GRM1: variants seen among roughly 807,000 people sequenced by gnomAD.
GRM1 encodes the protein glutamate metabotropic receptor 1.
Under a neutral mutation model 90.9 loss-of-function variants are expected in GRM1, and 33 were observed. The observed-to-expected ratio is 0.36, with a 90% confidence interval of 0.28 to 0.49. The LOEUF is 0.49. Among genes scored for constraint, GRM1 ranks in the 20% least tolerant of loss-of-function variants. The pLI, the probability that GRM1 is intolerant of heterozygous loss-of-function variation, is 0.99. For missense variants in GRM1, 1,190 were observed against 1,534.3 expected, an observed-to-expected ratio of 0.78 and a Z score of 3.75; for synonymous variants, 700 against 613.2, an observed-to-expected ratio of 1.14 and a Z score of -2.09.
intron 2 of GRM1, among the ~76,000 whole-genome samples, chr6:146,202,260 C>T (rs1779321703): frequency 6.6e-6 from 1 of 152,044 alleles, no homozygotes; most frequent in Non-Finnish European, 1.5e-5. Context: ...TTTAGTATTC[C>T]CATAAATGTA....
chr6:146,159,795 A>G, intron 2 of GRM1, 198 bp downstream of exon 2: 1 of 576,410 alleles, frequency 1.7e-6, no homozygotes, highest in East Asian at 3.0e-5. Flanking sequence ...TCTTCCTGCT[A>G]AACAACAGCA....
chr6:146,208,692 G>A (rs750788719), intron 2 of GRM1, among the ~76,000 whole-genome samples: 12 of 151,988 alleles, frequency 7.9e-5, no homozygotes, highest in Non-Finnish European at 1.6e-4. Context: ...TGTATGAAAT[G>A]CACACACACA....
intron 1 of GRM1, among the ~76,000 whole-genome samples, chr6:146,159,006 C>T (rs1017920893): frequency 6.6e-6 from 1 of 152,196 alleles, no homozygotes; most frequent in African/African-American, 2.4e-5. Flanking sequence ...CTTTGACCTC[C>T]CTAGTCCAAT....
At chr6:146,320,910 A>G (rs1462758289) in intron 3 of GRM1, among the ~76,000 whole-genome samples, 1 of 151,836 alleles carries the variant, frequency 6.6e-6, no homozygotes, top group Non-Finnish European at 1.5e-5. Context: ...TAATCTTTTC[A>G]AAAAAGCACC....
chr6:146,310,763 A>T (rs911779262), intron 3 of GRM1, among the ~76,000 whole-genome samples: 6 of 152,222 alleles, frequency 3.9e-5, no homozygotes, highest in African/African-American at 1.4e-4. Flanking sequence ...AACATGGATC[A>T]GAAACAGGAT....
At chr6:146,170,982 TA>T (rs1243875107) in intron 2 of GRM1, among the ~76,000 whole-genome samples, 2 of 152,204 alleles carry the variant, frequency 1.3e-5, no homozygotes, top group Non-Finnish European at 1.5e-5. Context: ...TATTGAAGTC[TA>T]TTTTTTTGCA....
At chr6:146,372,693 C>G (rs1775947257) in intron 5 of GRM1, among the ~76,000 whole-genome samples, 1 of 152,122 alleles carries the variant, frequency 6.6e-6, no homozygotes, top group East Asian at 1.9e-4. Context: ...TCCAGTTTCC[C>G]CAGCACCATT....
intron 5 of GRM1, among the ~76,000 whole-genome samples, chr6:146,380,013 T>C (rs1459246246): frequency 6.6e-6 from 1 of 151,770 alleles, no homozygotes; most frequent in African/African-American, 2.4e-5. Flanking sequence ...GTGACACAAG[T>C]GCCCTTGTAG....
intron 1 of GRM1, among the ~76,000 whole-genome samples, chr6:146,072,588 A>T (rs1364763783): frequency 6.6e-6 from 1 of 152,214 alleles, no homozygotes; most frequent in Non-Finnish European, 1.5e-5. Context: ...GGTGTATGAC[A>T]TAATTTGACC....
intron 7 of GRM1, among the ~76,000 whole-genome samples, chr6:146,424,245 C>T (rs1468071669): frequency 6.6e-5 from 10 of 152,196 alleles, no homozygotes; most frequent in Non-Finnish European, 1.3e-4. Context: ...GTGGCACTTC[C>T]GGTCCAGGGA....
intron 5 of GRM1, among the ~76,000 whole-genome samples, chr6:146,366,227 G>A (rs200075307): frequency 2.6e-5 from 4 of 152,006 alleles, no homozygotes; most frequent in South Asian, 2.1e-4. Context: ...CATAATAATC[G>A]TACATATTTA....
intron 6 of GRM1, among the ~76,000 whole-genome samples, chr6:146,397,210 T>C (rs534503819): frequency 8.6e-5 from 13 of 151,984 alleles, no homozygotes; most frequent in East Asian, 7.7e-4. Context: ...TGGCTGGGTG[T>C]GGTGGCTCAT....
chr6:146,350,732 T>C (rs1445334328), intron 3 of GRM1, among the ~76,000 whole-genome samples: 1 of 152,226 alleles, frequency 6.6e-6, no homozygotes, highest in South Asian at 2.1e-4. Flanking sequence ...TTCTTTCTTA[T>C]GTAACTTTCT....
chr6:146,063,339 T>C (rs12203355), intron 1 of GRM1, among the ~76,000 whole-genome samples: 13,068 of 152,262 alleles, frequency 0.086, 761 homozygotes, highest in Non-Finnish European at 0.12. Flanking sequence ...TCGAGTCTCA[T>C]CAATTTGGTA....
At chr6:146,133,539 A>G (rs1037122822) in intron 1 of GRM1, among the ~76,000 whole-genome samples, 18 of 152,258 alleles carry the variant, frequency 1.2e-4, no homozygotes, top group African/African-American at 4.3e-4. Flanking sequence ...TAACCTTCAT[A>G]TTCTTATGAA....
At chr6:146,427,341 T>G (rs1244468292) in intron 7 of GRM1, among the ~76,000 whole-genome samples, 1 of 152,218 alleles carries the variant, frequency 6.6e-6, no homozygotes. Context: ...CAAAAGAACA[T>G]AGACCATGTT....
intron 2 of GRM1, among the ~76,000 whole-genome samples, chr6:146,236,405 C>A (rs564365827): frequency 6.6e-6 from 1 of 152,078 alleles, no homozygotes; most frequent in Non-Finnish European, 1.5e-5. Flanking sequence ...TCTTTTAATA[C>A]CTGTCCTTGG....
chr6:146,251,815 C>T (rs1415941362), intron 2 of GRM1, among the ~76,000 whole-genome samples: 2 of 152,230 alleles, frequency 1.3e-5, no homozygotes, highest in Non-Finnish European at 2.9e-5. Flanking sequence ...CTGATGGCAT[C>T]TTTCAACCTT....
intron 1 of GRM1, among the ~76,000 whole-genome samples, chr6:146,085,932 G>C (rs1168069780): frequency 1.3e-5 from 2 of 152,042 alleles, no homozygotes. Context: ...GAATTTGTGA[G>C]TTTATTTAAT....
Sources: gnomAD v4.1 joint callset for allele counts (sites outside exome capture counted in the v4.1 genomes callset) on GRCh38, gnomAD v4.1.1 for gene constraint, MANE v1.5 for transcripts, NCBI Gene and HGNC (gene_info 2026-07-23, HGNC 2026-07-21) for gene names.